EHD3: variants seen among roughly 807,000 people sequenced by gnomAD.
EHD3 encodes the protein EH domain containing 3.
In EHD3, 17 loss-of-function variants were observed where a neutral mutation model predicts 43.0. The observed-to-expected ratio is 0.40, with a 90% CI of 0.27 to 0.59. The LOEUF (loss-of-function observed/expected upper bound fraction) is 0.59. EHD3 is among the 20% of genes least tolerant of loss of function. The pLI is 0.49. For missense variants in EHD3, 594 were observed against 705.6 expected (o/e 0.84, Z 1.79); for synonymous variants, 313 against 289.5 (o/e 1.08, Z -0.82).
chr2:31,248,602 C>T (rs1683573819), intron 2 of EHD3, among the ~76,000 whole-genome samples: 1 of 152,182 alleles, frequency 6.6e-6, no homozygotes, highest in Non-Finnish European at 1.5e-5. Flanking sequence ...TTCCTCAAGG[C>T]ATAGAGCCTG....
At chr2:31,265,407 A>G (rs1683931576) in intron 5 of EHD3, among the ~76,000 whole-genome samples, 1 of 152,188 alleles carries the variant, frequency 6.6e-6, no homozygotes, top group African/African-American at 2.4e-5. Context: ...AGTAGCTACA[A>G]TGTCACCAGG....
intron 2 of EHD3, among the ~76,000 whole-genome samples, chr2:31,248,333 C>G (rs570911558): frequency 1.3e-5 from 2 of 152,180 alleles, no homozygotes; most frequent in Non-Finnish European, 2.9e-5. Flanking sequence ...AGTGCCTCCT[C>G]CTCCAGGAAG....
chr2:31,234,935 G>A (rs1208535643), intron 1 of EHD3, 87 bp downstream of exon 1: 1 of 1,269,794 alleles, frequency 7.9e-7, no homozygotes, highest in African/African-American at 1.5e-5. Flanking sequence ...CCCAGACAGG[G>A]GACCAATGGG....
At chr2:31,261,448 C>A in intron 4 of EHD3, 101 bp from the exon 5 acceptor site, 1 of 1,358,700 alleles carries the variant, frequency 7.4e-7, no homozygotes, top group Non-Finnish European at 1.0e-6. Context: ...CAGGAGGAGG[C>A]GGGAGGGATG....
intron 1 of EHD3, 30 bp downstream of exon 1, chr2:31,234,878 C>A (rs554246581): frequency 6.2e-7 from 1 of 1,608,502 alleles, no homozygotes; most frequent in South Asian, 1.1e-5. Flanking sequence ...TGGCAGCCCA[C>A]CCCGGAGCCC....
chr2:31,262,544 G>A (rs1175427690), intron 5 of EHD3, among the ~76,000 whole-genome samples: 3 of 152,330 alleles, frequency 2.0e-5, no homozygotes, highest in Non-Finnish European at 2.9e-5. Context: ...CAAATCATTA[G>A]GTGGGCAGAG....
At chr2:31,236,042 C>T (rs1193382399) in intron 1 of EHD3, among the ~76,000 whole-genome samples, 1 of 152,164 alleles carries the variant, frequency 6.6e-6, no homozygotes, top group Non-Finnish European at 1.5e-5. Context: ...GTTTGAGCAT[C>T]CACAGCATGT....
In EHD3 at chr2:31,246,340, G is replaced by C. The variant is rs562699934; in HGVS notation, c.404+1890G>C. On this transcript the variant is annotated intron_variant, in intron 2 of 5. Transcript: ENST00000322054. ...AGAAGCAGGGATATCTGAGCAAGGGGGTAGGCAAGGAATTTGATTTTGGAC... is the reference window on the plus strand; with the variant it reads ...AGAAGCAGGGATATCTGAGCAAGGGCGTAGGCAAGGAATTTGATTTTGGAC... Among the ~76,000 whole-genome samples the C allele has an allele frequency of 2.0e-5, 3 of 152,152 alleles. No homozygotes were observed. In the East Asian group the frequency reaches 5.8e-4, roughly 30 times the overall value.
chr2:31,263,233 C>T (rs1683887337), intron 5 of EHD3, among the ~76,000 whole-genome samples: 2 of 152,200 alleles, frequency 1.3e-5, no homozygotes, highest in South Asian at 4.1e-4. Flanking sequence ...TGACTTGGAG[C>T]ACTTCAGCTC....
chr2:31,239,948 G>A (rs1683388182), intron 1 of EHD3, among the ~76,000 whole-genome samples: 1 of 151,744 alleles, frequency 6.6e-6, no homozygotes, highest in South Asian at 2.1e-4. Context: ...CTGAGCTCTG[G>A]GGACGGTGCC....
chr2:31,261,675 A>C lies in EHD3; in HGVS notation c.1042A>C (p.Ile348Leu). 1 of 1,614,216 alleles carries C rather than the reference A, an allele frequency of 6.2e-7. No homozygotes were observed. The highest frequency in any genetic ancestry group is 2.2e-5 in the East Asian group (1 of 44,886). The change falls in exon 5 of 6, where the codon ATC (isoleucine) becomes CTC (leucine). Residue 348 changes from isoleucine to leucine, a missense_variant. Coordinates refer to ENST00000322054, the MANE Select transcript of EHD3 (RefSeq NM_014600.3). The stretch of plus-strand genomic sequence containing the variant: ...TGGCCGGATCGAGCGGGAGCACCAG[A>C]TCTCACCTGGGGACTTCCCCAATCT... ...IYGRIEREHQ[I>L]SPGDFPNLKR... is the part of the protein sequence containing the mutation.
Position 31,267,927 on chromosome 2 carries a change from T to C in EHD3, c.*1223T>C, listed in dbSNP as rs1683987352. 2 of 152,262 alleles carry C rather than the reference T, an allele frequency of 1.3e-5. No individual in the cohort carries two copies. The highest frequency in any genetic ancestry group is 2.4e-5 in the African/African-American group (1 of 41,462). The allele number at this position is 152,262 out of a possible 1,614,324, so 9.4% of individuals were successfully genotyped here. On this transcript the variant is annotated 3_prime_UTR_variant, in exon 6 of 6. Transcript: ENST00000322054. ...TCTGCGCCCCATATTCCCAGCATCA[T>C]AGACATCCAACAGCACCAGCAGGAG...
intron 2 of EHD3, among the ~76,000 whole-genome samples, chr2:31,248,609 C>G (rs1348246875): frequency 1.3e-5 from 2 of 152,170 alleles, no homozygotes; most frequent in Admixed American, 6.5e-5. Context: ...AGGCATAGAG[C>G]CTGAGTGAGA....
chr2:31,244,389 G>A lies in EHD3; in HGVS notation c.343G>A (p.Val115Met). 6.2e-7 allele frequency: 1 copy of A among 1,614,216 alleles called. No individual in the cohort carries two copies. The highest frequency in any genetic ancestry group is 8.5e-7 in the Non-Finnish European group (1 of 1,180,036). Residue 115 changes from valine to methionine, a missense_variant, in exon 2 of 6, where the codon GTG becomes ATG. By Grantham distance (21) the Val-to-Met change is conservative. This residue lies in a region of EHD3 where 243 missense variants were observed against 296.7 expected (regional missense o/e 0.82). Coordinates refer to ENST00000322054, the MANE Select transcript of EHD3 (RefSeq NM_014600.3). ...MEGIIPGNAL[V>M]VDPKKPFRKL... ...GGGGATCATCCCTGGGAACGCCCTGGTGGTGGATCCCAAGAAACCCTTCAG... is the reference window on the plus strand; with the variant it reads ...GGGGATCATCCCTGGGAACGCCCTGATGGTGGATCCCAAGAAACCCTTCAG...
intron 5 of EHD3, among the ~76,000 whole-genome samples, chr2:31,262,038 A>C (rs1369401704): frequency 6.6e-6 from 1 of 152,196 alleles, no homozygotes; most frequent in East Asian, 1.9e-4. Context: ...TCTCTGGTGC[A>C]GTGGGATGGG....
rs566286237 is a variant in EHD3 at position 31,259,938 on chromosome 2, C to A, written c.503-572C>A. 1.1e-3 allele frequency among the ~76,000 whole-genome samples: 168 copies of A among 152,158 alleles called. 1 individual carries two copies. The highest frequency in any genetic ancestry group is 8.4e-4 in the Non-Finnish European group (57 of 68,032). ...GTGGCTGGCTGGGGGCGGTGGCTCA[C>A]ACCTATAATCCCAGCACTTTGGGAG... On this transcript the variant is annotated intron_variant, in intron 3 of 5. Coordinates refer to ENST00000322054, the MANE Select transcript of EHD3 (RefSeq NM_014600.3).
chr2:31,266,456 A>T lies in EHD3; in HGVS notation c.1360A>T (p.Thr454Ser). 1 of 1,614,078 alleles carries T rather than the reference A, an allele frequency of 6.2e-7. No homozygotes were observed. The highest frequency in any genetic ancestry group is 8.5e-7 in the Non-Finnish European group (1 of 1,180,006). ...GCCCATGTACGACGAGATCTTCTAC[A>T]CCCTGTCACCGGTGGATGGCAAGAT... ...DKPMYDEIFY[T>S]LSPVDGKITG... Residue 454 changes from threonine to serine, a missense_variant, in exon 6 of 6, where the codon ACC becomes TCC. By Grantham distance (58) the Thr-to-Ser change is moderately conservative (BLOSUM62 1). Coordinates refer to ENST00000322054, the MANE Select transcript of EHD3 (RefSeq NM_014600.3). This position sits in a 1 kb window ranked among gnomAD's most constrained non-coding sequence, Gnocchi z 5.1.
At chr2:31,254,307 G>A (rs750397494) in intron 3 of EHD3, among the ~76,000 whole-genome samples, 39 of 152,182 alleles carry the variant, frequency 2.6e-4, no homozygotes, top group Non-Finnish European at 4.9e-4. Context: ...GCTGATCCTT[G>A]CAGCCTCACA....
chr2:31,251,756 G>A lies in EHD3; in HGVS notation c.502+2288G>A, dbSNP rs544268723. 3.3e-5 allele frequency among the ~76,000 whole-genome samples: 5 copies of A among 152,268 alleles called. 1 individual carries two copies. The highest frequency in any genetic ancestry group is 9.6e-5 in the African/African-American group (4 of 41,560). ...GAGCCTCCCTCCTTCCAGCCAGCAC[G>A]CACGCTGTAAGCACCTGGCTCCCTG... On this transcript the variant is annotated intron_variant, in intron 3 of 5. Transcript: ENST00000322054.
Sources: gnomAD v4.1 joint callset for allele counts (sites outside exome capture counted in the v4.1 genomes callset) on GRCh38, gnomAD v4.1.1 for gene constraint, gnomAD v4.1.1 regional missense constraint, Gnocchi (gnomAD v3.1) non-coding constraint, MANE v1.5 for transcripts, NCBI Gene and HGNC (gene_info 2026-07-23, HGNC 2026-07-21) for gene names.